GPM6A: variants seen among roughly 807,000 people sequenced by gnomAD.
The protein encoded by GPM6A is glycoprotein M6A.
A neutral mutation model predicts 32.1 loss-of-function variants in GPM6A; 7 were observed. The ratio of observed to expected loss-of-function variants is 0.22; its 90% CI spans 0.12 to 0.41. The LOEUF (loss-of-function observed/expected upper bound fraction) is 0.41. Among genes scored for constraint, GPM6A ranks in the 10% least tolerant of loss-of-function variants. GPM6A has a pLI of 1.00. For missense variants in GPM6A, 235 were observed against 347.2 expected, an observed-to-expected ratio of 0.68 and a Z score of 2.57; for synonymous variants, 130 against 123.4, an observed-to-expected ratio of 1.05 and a Z score of -0.35.
intron 1 of GPM6A, among the ~76,000 whole-genome samples, chr4:175,751,606 C>T (rs1274149984): frequency 3.3e-5 from 5 of 151,904 alleles, no homozygotes; most frequent in East Asian, 1.9e-4. Flanking sequence ...TTTTTCCAGC[C>T]GACTTGCCAA....
chr4:175,860,926 T>A (rs1353447964), intron 1 of GPM6A, among the ~76,000 whole-genome samples: 1 of 152,128 alleles, frequency 6.6e-6, no homozygotes, highest in Admixed American at 6.6e-5. Context: ...AGGAAAAATA[T>A]CTCATTTCCT....
At chr4:175,986,594 A>C (rs898984554) in intron 1 of GPM6A, among the ~76,000 whole-genome samples, 2 of 152,100 alleles carry the variant, frequency 1.3e-5, no homozygotes, top group African/African-American at 2.4e-5. Flanking sequence ...GCAGTACTTG[A>C]CGTATTTACC....
intron 1 of GPM6A, among the ~76,000 whole-genome samples, chr4:175,960,141 C>CTG (rs1740121219): frequency 1.3e-5 from 2 of 152,134 alleles, no homozygotes; most frequent in African/African-American, 4.8e-5. Flanking sequence ...GACTTGTTTT[C>CTG]TTAAATAAGC....
chr4:175,731,047 C>A (rs1222856542), intron 1 of GPM6A, among the ~76,000 whole-genome samples: 7 of 152,156 alleles, frequency 4.6e-5, no homozygotes, highest in African/African-American at 1.7e-4. Flanking sequence ...GGTCTGATTG[C>A]ATCTCCATTG....
chr4:175,759,627 C>T (rs1222474968), intron 1 of GPM6A, among the ~76,000 whole-genome samples: 2 of 152,158 alleles, frequency 1.3e-5, no homozygotes, highest in South Asian at 2.1e-4. Flanking sequence ...GAGGAAGATA[C>T]AAATCTATGA....
At chr4:175,809,336 T>C (rs1329069722) in intron 1 of GPM6A, among the ~76,000 whole-genome samples, 1 of 152,112 alleles carries the variant, frequency 6.6e-6, no homozygotes, top group Non-Finnish European at 1.5e-5. Flanking sequence ...GCTAGGTTTA[T>C]TATGGCCATA....
intron 1 of GPM6A, among the ~76,000 whole-genome samples, chr4:175,849,076 T>C (rs1736173616): frequency 6.6e-6 from 1 of 152,234 alleles, no homozygotes; most frequent in Non-Finnish European, 1.5e-5. Context: ...TAATTCATTT[T>C]ATAAATTTGT....
In GPM6A at chr4:175,942,102, GT is replaced by G. The variant is rs1481110387; in HGVS notation, c.-23+60206del. Among the ~76,000 whole-genome samples, 14 of 152,250 alleles carry G rather than the reference GT, an allele frequency of 9.2e-5. 1 individual carries two copies. Among genetic ancestry groups the G allele is most frequent in the African/African-American group, 3.4e-4 (14 of 41,548 alleles). On this transcript the variant is annotated intron_variant, in intron 1 of 7. Coordinates refer to the GPM6A transcript ENST00000280187. ...TGGCGTGAGATGGTATCTCATTGTG[GT>G]TTTGATTTGCATTTCTCTAATGACC...
At chr4:175,689,145 G>T (rs1159599157) in intron 2 of GPM6A, among the ~76,000 whole-genome samples, 2 of 152,154 alleles carry the variant, frequency 1.3e-5, no homozygotes, top group African/African-American at 2.4e-5. Flanking sequence ...GAAGAAGTGT[G>T]AAGTTTCACT....
At chr4:175,740,677 T>A (rs1251738422) in intron 1 of GPM6A, among the ~76,000 whole-genome samples, 4 of 152,120 alleles carry the variant, frequency 2.6e-5, no homozygotes, top group African/African-American at 9.6e-5. Context: ...GTTATTAGAT[T>A]AGAAAATATT....
At chr4:175,827,190 T>A (rs1735465219) in intron 1 of GPM6A, among the ~76,000 whole-genome samples, 1 of 152,210 alleles carries the variant, frequency 6.6e-6, no homozygotes. Flanking sequence ...AAAAATGATG[T>A]AATTATATCC....
intron 1 of GPM6A, among the ~76,000 whole-genome samples, chr4:175,895,706 A>G (rs1181904652): frequency 1.3e-5 from 2 of 152,232 alleles, no homozygotes; most frequent in Non-Finnish European, 2.9e-5. Flanking sequence ...AGTACTTAAT[A>G]ACATAGAAAT....
intron 1 of GPM6A, among the ~76,000 whole-genome samples, chr4:175,837,637 G>A (rs1479684212): frequency 1.3e-5 from 2 of 152,114 alleles, no homozygotes; most frequent in Admixed American, 6.6e-5. Flanking sequence ...CTGGCACCAG[G>A]GTTCTAAGCC....
chr4:175,973,670 T>G (rs1321204751), intron 1 of GPM6A, among the ~76,000 whole-genome samples: 1 of 152,212 alleles, frequency 6.6e-6, no homozygotes, highest in Non-Finnish European at 1.5e-5. Context: ...TAGAAAGATC[T>G]GACTCAGCTC....
chr4:175,658,417 G>A (rs537523349), intron 3 of GPM6A, among the ~76,000 whole-genome samples: 26 of 152,250 alleles, frequency 1.7e-4, no homozygotes, highest in Middle Eastern at 3.4e-3. Flanking sequence ...CCAAGTGTAG[G>A]GGGGGTGAGA....
intron 2 of GPM6A, among the ~76,000 whole-genome samples, chr4:175,692,484 A>T (rs1385096358): frequency 1.3e-5 from 2 of 152,106 alleles, no homozygotes; most frequent in Non-Finnish European, 2.9e-5. Flanking sequence ...CAAGCTATTA[A>T]GCTTTTGTAG....
chr4:175,647,281 G>A (rs991148267), intron 4 of GPM6A, among the ~76,000 whole-genome samples: 4 of 152,138 alleles, frequency 2.6e-5, no homozygotes, highest in Admixed American at 6.5e-5. Flanking sequence ...TCTAGATGAT[G>A]TAATGAGGAT....
intron 3 of GPM6A, 81 bp downstream of exon 3, chr4:175,673,596 TTAA>T: frequency 1.0e-6 from 1 of 953,862 alleles, no homozygotes; most frequent in Non-Finnish European, 1.5e-6. Context: ...AAAAAATACT[TTAA>T]TTCTTGGGAG....
intron 1 of GPM6A, among the ~76,000 whole-genome samples, chr4:175,895,305 G>T: frequency 6.6e-6 from 1 of 152,066 alleles, no homozygotes; most frequent in Non-Finnish European, 1.5e-5. Flanking sequence ...TAAAGAATAC[G>T]TGATTCAAAA....
Sources: allele counts gnomAD v4.1 joint callset (sites outside exome capture counted in the v4.1 genomes callset), GRCh38; gene constraint gnomAD v4.1.1; transcripts MANE v1.5; gene names NCBI Gene and HGNC (gene_info 2026-07-23, HGNC 2026-07-21).